The following TMC7 variants were observed in gnomAD, a reference collection of about 807,000 sequenced individuals.
The protein encoded by TMC7 is transmembrane channel like 7, also known as transmembrane channel-like protein 7.
TMC7 carries 54 observed loss-of-function variants against 82.9 expected under a neutral mutation model. The observed-to-expected ratio is 0.65, with a 90% CI of 0.52 to 0.82. The LOEUF (loss-of-function observed/expected upper bound fraction) is 0.82. Ranked by LOEUF, TMC7 falls within the 40% of genes least tolerant of loss-of-function variation. The pLI is 0.00. For synonymous variants in TMC7, 350 were observed against 337.9 expected (o/e 1.04, Z -0.39); for missense variants, 820 against 901.2 (o/e 0.91, Z 1.15).
chr16:19,026,795 T>C (rs1018009492), intron 5 of TMC7, among the ~76,000 whole-genome samples: 5 of 152,090 alleles, frequency 3.3e-5, no homozygotes, highest in African/African-American at 1.2e-4. Flanking sequence ...AGATTCTTGC[T>C]CTGTCACCCA....
intron 5 of TMC7, among the ~76,000 whole-genome samples, chr16:19,029,738 T>C (rs564748354): frequency 1.3e-5 from 2 of 150,008 alleles, no homozygotes; most frequent in African/African-American, 4.9e-5. Context: ...TGGAGTTCAG[T>C]GTTATGATCT....
At position 19,016,596 on chromosome 16, in the gene TMC7, A is replaced by G. The variant is rs1959707076; in HGVS notation, c.458A>G (p.Glu153Gly). 1 of 1,613,032 alleles carries G rather than the reference A, an allele frequency of 6.2e-7. No individual in the cohort carries two copies. Among genetic ancestry groups the G allele is most frequent in the Non-Finnish European group, 8.5e-7 (1 of 1,179,904 alleles). ...TGGCGGGAGGACATCCGCAGCATAG[A>G]AGGTATGCTGTCCTCACCTCTCTGC... ...ELWREDIRSI[E>G]GKFGTGIQSY... The change falls in exon 3 of 16, where the codon GAA (glutamate) becomes GGA (glycine). Residue 153 changes from glutamate to glycine, a missense_variant and splice_region_variant. Around this residue, in one of 2 missense-constraint regions of TMC7, gnomAD observed 650 missense variants for 669.9 expected, o/e 0.97. Transcript: ENST00000304381.
rs139910043 is a variant in TMC7, at chr16:19,038,029, G to A, written c.1161G>A (p.Ser387=). Reference sequence around the variant, plus strand: ...CAATATACGTAGCAACTGTCTTCTCGCAAGAGCACATGAAAAAGGTAAATT... The same window carrying A: ...CAATATACGTAGCAACTGTCTTCTCACAAGAGCACATGAAAAAGGTAAATT... ...FYAIYVATVF[S]QEHMKKEIDK... The change falls in exon 8 of 16, where the codon TCG becomes TCA. Residue 387 remains serine, a synonymous_variant. Coordinates refer to ENST00000304381, the MANE Select transcript of TMC7 (RefSeq NM_024847.4). 6.9e-5 allele frequency: 111 copies of A among 1,613,336 alleles called. No individual in the cohort carries two copies. The highest frequency in any genetic ancestry group is 6.7e-4 in the East Asian group (30 of 44,862).
chr16:19,022,673 C>G (rs748094357), intron 4 of TMC7, among the ~76,000 whole-genome samples: 1 of 152,220 alleles, frequency 6.6e-6, no homozygotes. Context: ...ATTTATCAGA[C>G]TGTATCCTCC....
At chr16:18,990,572 G>A (rs1224072779) in intron 1 of TMC7, among the ~76,000 whole-genome samples, 4 of 152,106 alleles carry the variant, frequency 2.6e-5, no homozygotes, top group Non-Finnish European at 5.9e-5. Flanking sequence ...TGCGTGAGCA[G>A]CGTAGCTGTT....
intron 6 of TMC7, among the ~76,000 whole-genome samples, chr16:19,034,470 C>T (rs745905776): frequency 6.6e-6 from 1 of 151,770 alleles, no homozygotes; most frequent in Admixed American, 6.6e-5. Context: ...TGGTGGCAGG[C>T]GCCTGTAATC....
chr16:19,025,999 C>T (rs1258008827), intron 5 of TMC7, among the ~76,000 whole-genome samples: 1 of 151,854 alleles, frequency 6.6e-6, no homozygotes, highest in East Asian at 2.0e-4. Flanking sequence ...TGGTCTCGAG[C>T]TCCTGAGCTC....
At chr16:19,059,652 CATT>C in intron 15 of TMC7, 158 bp downstream of exon 15, 2 of 1,548,332 alleles carry the variant, frequency 1.3e-6, no homozygotes, top group Non-Finnish European at 1.7e-6. Context: ...CGTCCAGCTT[CATT>C]AATTCACTGA....
At chr16:19,045,215 CAGCTGATGCCCTCA>C in intron 10 of TMC7, 112 bp from the exon 11 acceptor site, 2 of 872,752 alleles carry the variant, frequency 2.3e-6, no homozygotes, top group Non-Finnish European at 3.8e-6. Context: ...GAGTTTGCAT[CAGCTGATGCCCTCA>C]CTGGAGCCAC....
chr16:19,049,214 GC>G lies in TMC7; in HGVS notation c.1740+1966del, dbSNP rs1961417315. On this transcript the variant is annotated intron_variant, in intron 12 of 15. Transcript: ENST00000304381. Reference sequence around the variant, plus strand: ...AATTTTTGTATTTTTAGTAGAGACAGCGTTTCACCATGTTGGCCAGGCTGGT... The same window carrying G: ...AATTTTTGTATTTTTAGTAGAGACAGGTTTCACCATGTTGGCCAGGCTGGT... Among the ~76,000 whole-genome samples, 3 of 152,074 alleles carry G rather than the reference GC, an allele frequency of 2.0e-5. No individual in the cohort carries two copies. The South Asian group carries it at 6.2e-4, about 32-fold the overall frequency.
At chr16:19,018,411 T>G (rs1231541448) in intron 3 of TMC7, among the ~76,000 whole-genome samples, 1 of 152,156 alleles carries the variant, frequency 6.6e-6, no homozygotes, top group Non-Finnish European at 1.5e-5. Context: ...TCACGTAACC[T>G]TTGCTTTGAG....
intron 3 of TMC7, among the ~76,000 whole-genome samples, chr16:19,018,178 C>T (rs756533971): frequency 2.0e-5 from 3 of 152,084 alleles, no homozygotes; most frequent in Non-Finnish European, 4.4e-5. Flanking sequence ...GCCTTATTAT[C>T]CTGAGTCGAG....
At chr16:19,009,146 T>C (rs758513065) in intron 1 of TMC7, 26 bp from the exon 2 acceptor site, 1 of 1,606,034 alleles carries the variant, frequency 6.2e-7, no homozygotes, top group East Asian at 2.2e-5. Flanking sequence ...CTGGAGTGAA[T>C]GATGACTTTC....
chr16:18,993,951 G>C (rs974194583), intron 1 of TMC7, among the ~76,000 whole-genome samples: 190 of 152,114 alleles, frequency 1.2e-3, no homozygotes, highest in African/African-American at 4.5e-3. Flanking sequence ...GATTAGGCCT[G>C]GTGGAGCTGC....
chr16:19,044,606 C>G (rs1365782864), intron 9 of TMC7, among the ~76,000 whole-genome samples: 5 of 151,746 alleles, frequency 3.3e-5, no homozygotes, highest in African/African-American at 4.8e-5. Context: ...TCGAGACCAC[C>G]TGGGCAATAT....
In TMC7 at chr16:19,035,762, T is replaced by C. The variant is rs1453238847; in HGVS notation, c.944T>C (p.Phe315Ser). Reference sequence around the variant, plus strand: ...AACAAGATATTTGCCGGCTGGGACTTCTGCATCACTAACCGCAGCATGGCG... The same window carrying C: ...AACAAGATATTTGCCGGCTGGGACTCCTGCATCACTAACCGCAGCATGGCG... ...YCNKIFAGWD[F>S]CITNRSMADL... The change falls in exon 7 of 16, where the codon TTC becomes TCC. Residue 315 changes from phenylalanine to serine, a missense_variant. Transcript: ENST00000304381. 3 of 1,613,204 alleles carry C rather than the reference T, an allele frequency of 1.9e-6. No individual in the cohort carries two copies. The Admixed American group carries it at 5.0e-5, about 27-fold the overall frequency.
At chr16:19,034,390 A>G (rs1960648392) in intron 6 of TMC7, among the ~76,000 whole-genome samples, 1 of 151,924 alleles carries the variant, frequency 6.6e-6, no homozygotes, top group Non-Finnish European at 1.5e-5. Context: ...TGAGGTCAGG[A>G]GATCGAGACC....
At chr16:19,020,892 A>AT (rs34287797) in intron 3 of TMC7, among the ~76,000 whole-genome samples, 49 of 150,566 alleles carry the variant, frequency 3.3e-4, no homozygotes, top group South Asian at 1.2e-3. Context: ...AAATAAATAA[A>AT]AGCCAGATAT....
chr16:19,011,913 A>G (rs1031170835), intron 2 of TMC7, among the ~76,000 whole-genome samples: 1 of 152,102 alleles, frequency 6.6e-6, no homozygotes, highest in African/African-American at 2.4e-5. Flanking sequence ...AGGCTGAGGC[A>G]GGTGGATCAC....
Sources: allele counts gnomAD v4.1 joint callset (sites outside exome capture counted in the v4.1 genomes callset), GRCh38; gene constraint gnomAD v4.1.1; regional missense constraint gnomAD v4.1.1; transcripts MANE v1.5; gene names NCBI Gene and HGNC (gene_info 2026-07-23, HGNC 2026-07-21).